The following STUM variants were observed in gnomAD, a reference collection of about 807,000 sequenced individuals.
STUM encodes the protein protein stum homolog.
A neutral mutation model predicts 15.3 loss-of-function variants in STUM; 8 were observed. The ratio of observed to expected loss-of-function variants is 0.52; its 90% CI spans 0.31 to 0.94. STUM has a LOEUF of 0.94. Among genes scored for constraint, STUM ranks in the 40% least tolerant of loss-of-function variants. The pLI is 0.05. For synonymous variants in STUM, 78 were observed against 88.7 expected (o/e 0.88, Z 0.68); for missense variants, 142 against 204.9 (o/e 0.69, Z 1.87).
Position 226,605,971 on chromosome 1 carries a change from C to T in STUM, c.*3931C>T, listed in dbSNP as rs946158468. The T allele has an allele frequency of 2.6e-5, 4 of 152,206 alleles. No individual in the cohort carries two copies. Among genetic ancestry groups the T allele is most frequent in the South Asian group, 2.1e-4 (1 of 4,832 alleles). 9.4% of individuals were successfully genotyped at this position (152,206 alleles called of 1,614,324 possible). A position where few individuals can be genotyped will look rare whatever the true frequency, so the allele number is the denominator to read the frequency against. On this transcript the variant is annotated 3_prime_UTR_variant, in exon 4 of 4. Transcript: ENST00000366788. The surrounding 1 kb of genome is among the most constrained non-coding windows in gnomAD (Gnocchi z 4.0). The stretch of plus-strand genomic sequence containing the variant: ...CATCTCAGAGGTGTGAGATGAACTC[C>T]GCCTCATGCAGGATGCCCAGGGCTC...
chr1:226,575,966 G>C (rs1259270746), intron 1 of STUM, among the ~76,000 whole-genome samples: 3 of 152,244 alleles, frequency 2.0e-5, no homozygotes, highest in East Asian at 3.8e-4. Flanking sequence ...TGTTTGTTTA[G>C]ACTGCTAGAA....
intron 1 of STUM, among the ~76,000 whole-genome samples, chr1:226,554,172 C>T (rs1303150962): frequency 6.6e-6 from 1 of 152,140 alleles, no homozygotes; most frequent in Non-Finnish European, 1.5e-5. Flanking sequence ...TGTTCTTTTC[C>T]CTCTCTCCTG....
At position 226,549,891 on chromosome 1, in the gene STUM, GC is replaced by G. The variant is rs778160908; in HGVS notation, c.202+789del. ...CTATGTCCCACGTTTTAAAGCAGAG[GC>G]CCCTTACAGAGATGGTGCAGGAGGG... is the stretch of plus-strand genomic sequence containing the variant. On this transcript the variant is annotated intron_variant, in intron 1 of 3. Transcript: ENST00000366788. This position sits in a 1 kb window ranked among gnomAD's most constrained non-coding sequence, Gnocchi z 6.8. Among the ~76,000 whole-genome samples, 55 of 152,310 alleles carry G rather than the reference GC, an allele frequency of 3.6e-4. 1 individual carries two copies. Among genetic ancestry groups the G allele is most frequent in the Non-Finnish European group, 6.5e-4 (44 of 68,024 alleles).
intron 1 of STUM, among the ~76,000 whole-genome samples, chr1:226,580,943 A>C (rs770339473): frequency 2.0e-5 from 3 of 152,200 alleles, no homozygotes; most frequent in Non-Finnish European, 4.4e-5. Context: ...CCAGGCTGGC[A>C]GGGCAGCTCT....
At chr1:226,591,297 A>G (rs1326933493) in intron 1 of STUM, among the ~76,000 whole-genome samples, 1 of 152,220 alleles carries the variant, frequency 6.6e-6, no homozygotes, top group Admixed American at 6.5e-5. Context: ...ACACAACTGG[A>G]CAATATGTGT....
rs1668246976 is a variant in STUM at position 226,600,487 on chromosome 1, G to C, written c.383-179G>C. 1.4e-6 allele frequency: 1 copy of C among 702,374 alleles called. No individual in the cohort carries two copies. The highest frequency in any genetic ancestry group is 2.5e-6 in the Non-Finnish European group (1 of 406,018). 43.5% of individuals were successfully genotyped at this position (702,374 alleles called of 1,614,324 possible). A position where few individuals can be genotyped will look rare whatever the true frequency, so the allele number is the denominator to read the frequency against. On this transcript the variant is annotated intron_variant, in intron 2 of 3. Coordinates refer to ENST00000366788, the MANE Select transcript of STUM (RefSeq NM_001003665.4). The surrounding 1 kb of genome is among the most constrained non-coding windows in gnomAD (Gnocchi z 5.2). ...TCACCATGAGTACTGAGCACTCCCTGCCTGGGGATGGCGTCTGAGAAGCCA... is the reference window on the plus strand; with the variant it reads ...TCACCATGAGTACTGAGCACTCCCTCCCTGGGGATGGCGTCTGAGAAGCCA...
rs1238652322 is a variant in STUM, at chr1:226,552,118, C to G, written c.202+3012C>G. Reference sequence around the variant, plus strand: ...TCCCTTTGATGTAGGTGTCTCAGGTCCATCCAGTCTGCAGGACCAGCTGTG... The same window carrying G: ...TCCCTTTGATGTAGGTGTCTCAGGTGCATCCAGTCTGCAGGACCAGCTGTG... On this transcript the variant is annotated intron_variant, in intron 1 of 3. Transcript: ENST00000366788. This position sits in a 1 kb window ranked among gnomAD's most constrained non-coding sequence, Gnocchi z 4.7. 2.0e-5 allele frequency among the ~76,000 whole-genome samples: 3 copies of G among 152,038 alleles called. No homozygotes were observed. Among genetic ancestry groups the G allele is most frequent in the Non-Finnish European group, 4.4e-5 (3 of 68,014 alleles).
chr1:226,589,612 T>A (rs1668052988), intron 1 of STUM, among the ~76,000 whole-genome samples: 1 of 152,212 alleles, frequency 6.6e-6, no homozygotes, highest in African/African-American at 2.4e-5. Flanking sequence ...GCAAACCACA[T>A]GTCTGTGCCT....
Position 226,579,645 on chromosome 1 carries a change from T to G in STUM, c.203-17157T>G, listed in dbSNP as rs200004407. The stretch of plus-strand genomic sequence containing the variant: ...CCTTATTTCTTTTTCTTTTTCTTTT[T>G]CTTTTGAGACAGGGCCTTTTTCGCC... On this transcript the variant is annotated intron_variant, in intron 1 of 3. Coordinates refer to ENST00000366788, the MANE Select transcript of STUM (RefSeq NM_001003665.4). Among the ~76,000 whole-genome samples the G allele has an allele frequency of 4.4e-4, 9 of 20,686 alleles. No homozygotes were observed. In the East Asian group the frequency reaches 9.7e-3, roughly 22 times the overall value. 13.6% of individuals were successfully genotyped at this position (20,686 alleles called of 152,430 possible). A position where few individuals can be genotyped will look rare whatever the true frequency, so the allele number is the denominator to read the frequency against.
chr1:226,566,410 A>C (rs2102691853), intron 1 of STUM, among the ~76,000 whole-genome samples: 1 of 152,332 alleles, frequency 6.6e-6, no homozygotes, highest in East Asian at 1.9e-4. Context: ...GTTTTATAAT[A>C]GAGATTCAGC....
intron 1 of STUM, among the ~76,000 whole-genome samples, chr1:226,571,416 G>A (rs557338448): frequency 6.6e-6 from 1 of 152,252 alleles, no homozygotes; most frequent in African/African-American, 2.4e-5. Flanking sequence ...ACCGTAGCAG[G>A]AATATCTATG....
chr1:226,582,011 G>A (rs552498282), intron 1 of STUM, among the ~76,000 whole-genome samples: 17 of 152,286 alleles, frequency 1.1e-4, no homozygotes, highest in Admixed American at 3.9e-4. Context: ...TCATTGACAT[G>A]TCTGGCCCTC....
chr1:226,548,805 C>T lies in STUM; in HGVS notation c.-100C>T. ...ACGGAGCACGGCGGCCGCCTGAGCTCGGCGCGGAGCCCGGAGCCCGCAGCC... is the reference window on the plus strand; with the variant it reads ...ACGGAGCACGGCGGCCGCCTGAGCTTGGCGCGGAGCCCGGAGCCCGCAGCC... On this transcript the variant is annotated 5_prime_UTR_variant, in exon 1 of 4. Transcript: ENST00000366788. 9.7e-7 allele frequency: 1 copy of T among 1,032,870 alleles called. No individual in the cohort carries two copies. Among genetic ancestry groups the T allele is most frequent in the Non-Finnish European group, 1.2e-6 (1 of 811,860 alleles). 64.0% of individuals were successfully genotyped at this position (1,032,870 alleles called of 1,614,324 possible). A position where few individuals can be genotyped will look rare whatever the true frequency, so the allele number is the denominator to read the frequency against.
At chr1:226,556,281 C>T (rs1274707011) in intron 1 of STUM, among the ~76,000 whole-genome samples, 1 of 152,224 alleles carries the variant, frequency 6.6e-6, no homozygotes, top group Non-Finnish European at 1.5e-5. Flanking sequence ...TCACTCTTAA[C>T]ATGCTCCTAC....
rs928208904 is a variant in STUM, at chr1:226,603,332, G to C, written c.*1292G>C. The C allele has an allele frequency of 6.6e-6, 1 of 152,218 alleles. No individual in the cohort carries two copies. 9.4% of individuals were successfully genotyped at this position (152,218 alleles called of 1,614,324 possible). A position where few individuals can be genotyped will look rare whatever the true frequency, so the allele number is the denominator to read the frequency against. On this transcript the variant is annotated 3_prime_UTR_variant, in exon 4 of 4. Coordinates refer to ENST00000366788, the MANE Select transcript of STUM (RefSeq NM_001003665.4). The stretch of plus-strand genomic sequence containing the variant: ...CCCTAATGGGGGCTAGGGGTGGGGA[G>C]AATCTAGCAGAAGTTGTCCAGGATA...
chr1:226,596,488 G>A (rs1159672151), intron 1 of STUM, among the ~76,000 whole-genome samples: 5 of 152,176 alleles, frequency 3.3e-5, no homozygotes, highest in Admixed American at 2.6e-4. Context: ...GTGGCTTCCT[G>A]ATTGCTCCTT....
intron 1 of STUM, among the ~76,000 whole-genome samples, chr1:226,576,454 T>C (rs1151809): frequency 0.74 from 113,051 of 152,182 alleles, 42,773 homozygotes; most frequent in African/African-American, 0.89. Context: ...TTGAGGCTCC[T>C]GAGTGGCTGC....
intron 1 of STUM, among the ~76,000 whole-genome samples, chr1:226,558,109 C>T (rs948733001): frequency 2.0e-5 from 3 of 152,118 alleles, no homozygotes; most frequent in Non-Finnish European, 4.4e-5. Flanking sequence ...CACTTCTATT[C>T]AACATAATGG....
chr1:226,590,917 G>A (rs183364426), intron 1 of STUM, among the ~76,000 whole-genome samples: 15 of 152,286 alleles, frequency 9.8e-5, no homozygotes, highest in Admixed American at 4.6e-4. Context: ...CACTGTTCCT[G>A]GTGTGACCCA....
Sources: allele counts gnomAD v4.1 joint callset (sites outside exome capture counted in the v4.1 genomes callset), GRCh38; gene constraint gnomAD v4.1.1; non-coding constraint Gnocchi (gnomAD v3.1); transcripts MANE v1.5; gene names NCBI Gene and HGNC (gene_info 2026-07-23, HGNC 2026-07-21).